The following CDKL3 variants were observed in gnomAD, a reference collection of about 807,000 sequenced individuals.
CDKL3 encodes the protein cyclin-dependent kinase-like 3.
CDKL3 carries 65 observed loss-of-function variants against 69.3 expected under a neutral mutation model. The observed-to-expected ratio is 0.94, with a 90% CI of 0.77 to 1.15. The LOEUF (loss-of-function observed/expected upper bound fraction) is 1.15. Among genes scored for constraint, CDKL3 ranks in the 50% most tolerant of loss-of-function variants. The pLI, the probability that CDKL3 is intolerant of heterozygous loss-of-function variation, is 0.00. For synonymous variants in CDKL3, 202 were observed against 221.6 expected (o/e 0.91, Z 0.79); for missense variants, 652 against 689.2 (o/e 0.95, Z 0.61).
At chr5:134,362,601 G>A (rs766624583) in intron 2 of CDKL3, among the ~76,000 whole-genome samples, 12 of 152,212 alleles carry the variant, frequency 7.9e-5, no homozygotes, top group Middle Eastern at 6.8e-3. Flanking sequence ...TCTCTCCAGT[G>A]GAATTAGATT....
chr5:134,334,213 T>G (rs1268217044), intron 4 of CDKL3, among the ~76,000 whole-genome samples: 1 of 152,096 alleles, frequency 6.6e-6, no homozygotes, highest in African/African-American at 2.4e-5. Flanking sequence ...TTATTAGTCT[T>G]GCTAGCAGTC....
intron 12 of CDKL3, among the ~76,000 whole-genome samples, chr5:134,301,142 C>T (rs1766200488): frequency 6.6e-6 from 1 of 152,070 alleles, no homozygotes; most frequent in Non-Finnish European, 1.5e-5. Context: ...GGATTACAGG[C>T]ATGAGCCACC....
intron 2 of CDKL3, among the ~76,000 whole-genome samples, chr5:134,365,936 G>T (rs753789166): frequency 6.6e-6 from 1 of 152,132 alleles, no homozygotes; most frequent in East Asian, 1.9e-4. Context: ...TTCCCTACCA[G>T]GGAAAGGACT....
chr5:134,332,902 G>A (rs543756327), intron 4 of CDKL3, among the ~76,000 whole-genome samples: 60 of 152,260 alleles, frequency 3.9e-4, no homozygotes, highest in African/African-American at 1.3e-3. Flanking sequence ...CCATTTTCAC[G>A]ATATTGATTC....
chr5:134,296,373 C>G, downstream of CDKL3, among the ~76,000 whole-genome samples: 1 of 152,128 alleles, frequency 6.6e-6, no homozygotes, highest in East Asian at 1.9e-4. Context: ...GGGTTTTATG[C>G]CTTACACGGC....
At chr5:134,329,686 G>A (rs1775291471) in intron 4 of CDKL3, among the ~76,000 whole-genome samples, 1 of 151,894 alleles carries the variant, frequency 6.6e-6, no homozygotes, top group Non-Finnish European at 1.5e-5. Context: ...AGCCAGGGTG[G>A]TCTCCATCTC....
In CDKL3 at chr5:134,367,129, G is replaced by T; in HGVS notation, c.-174C>A. ...TGTTGCTCAGCCCCGCAAGGAACCG[G>T]CCACTTGCCACCATGGAAACGCCGG... On this transcript the variant is annotated 5_prime_UTR_variant, in exon 1 of 13. Transcript: ENST00000265334. The T allele has an allele frequency of 2.0e-6, 2 of 985,758 alleles. No homozygotes were observed. The highest frequency in any genetic ancestry group is 9.4e-5 in the South Asian group (2 of 21,340). The allele number at this position is 985,758 out of a possible 1,614,324, so 61.1% of individuals were successfully genotyped here.
Position 134,319,455 on chromosome 5 carries a change from G to C in CDKL3, c.695C>G (p.Pro232Arg). 1 of 1,532,726 alleles carries C rather than the reference G, an allele frequency of 6.5e-7. No individual in the cohort carries two copies. Among genetic ancestry groups the C allele is most frequent in the Non-Finnish European group, 8.8e-7 (1 of 1,141,958 alleles). 94.9% of individuals were successfully genotyped at this position (1,532,726 alleles called of 1,614,324 possible). A position where few individuals can be genotyped will look rare whatever the true frequency, so the allele number is the denominator to read the frequency against. The change falls in exon 6 of 13, where the codon CCC (proline) becomes CGC (arginine). Residue 232 changes from proline (P) to arginine (R), a missense_variant. Pro to Arg is a moderately radical substitution (Grantham distance 103, BLOSUM62 -2). Transcript: ENST00000265334. ...AGGAAGAACTACCCCAGCAAAAATGGGGCTCTTGGAAAAGATATTCTGCAA... is the reference window on the plus strand; with the variant it reads ...AGGAAGAACTACCCCAGCAAAAATGCGGCTCTTGGAAAAGATATTCTGCAA... ...PHLQNIFSKS[P>R]IFAGVVLPQV...
At chr5:134,317,659 G>C (rs1054554692) in intron 6 of CDKL3, among the ~76,000 whole-genome samples, 1 of 151,962 alleles carries the variant, frequency 6.6e-6, no homozygotes, top group Admixed American at 6.6e-5. Context: ...TGGCACTGTG[G>C]CACATGTGTG....
chr5:134,296,790 C>T (rs1765371675), downstream of CDKL3, among the ~76,000 whole-genome samples: 2 of 151,128 alleles, frequency 1.3e-5, no homozygotes, highest in South Asian at 4.2e-4. Context: ...TCTACACACA[C>T]ACACACACAC....
intron 4 of CDKL3, among the ~76,000 whole-genome samples, chr5:134,346,271 T>C (rs532806404): frequency 1.3e-5 from 2 of 152,188 alleles, no homozygotes; most frequent in African/African-American, 4.8e-5. Flanking sequence ...TTATTACCAT[T>C]AGATCATACT....
intron 10 of CDKL3, among the ~76,000 whole-genome samples, chr5:134,304,940 T>G (rs1181156482): frequency 1.3e-5 from 2 of 151,242 alleles, no homozygotes; most frequent in Non-Finnish European, 2.9e-5. Flanking sequence ...CTTAAGTAAC[T>G]GGGACTACAG....
At chr5:134,322,538 G>A (rs1201794337) in intron 4 of CDKL3, among the ~76,000 whole-genome samples, 2 of 152,060 alleles carry the variant, frequency 1.3e-5, no homozygotes, top group African/African-American at 2.4e-5. Context: ...ATACTCACAT[G>A]TGTGCACAAA....
chr5:134,366,383 C>A lies in CDKL3; in HGVS notation c.141G>T (p.Ala47=), dbSNP rs1363152617. The change falls in exon 2 of 13, where the codon GCG becomes GCT. Residue 47 remains alanine, a synonymous_variant. Transcript: ENST00000265334. ...CCTTTAGAAACTTTATTTCTCTCAT[C>A]GCAATTTTGTTGACAGATTGTTCTG... The part of the protein sequence containing the change: ...ERPEQSVNKI[A]MREIKFLKQF... 1 of 1,580,966 alleles carries A rather than the reference C, an allele frequency of 6.3e-7. No homozygotes were observed. The highest frequency in any genetic ancestry group is 1.2e-5 in the South Asian group (1 of 84,742).
At chr5:134,355,002 C>T (rs1754225806) in intron 3 of CDKL3, among the ~76,000 whole-genome samples, 3 of 151,402 alleles carry the variant, frequency 2.0e-5, no homozygotes, top group Non-Finnish European at 4.4e-5. Flanking sequence ...TGCCTATAAT[C>T]CCAGCACTTT....
chr5:134,368,524 C>G (rs941653595), upstream of CDKL3, among the ~76,000 whole-genome samples: 3 of 143,438 alleles, frequency 2.1e-5, no homozygotes, highest in Non-Finnish European at 4.5e-5. Flanking sequence ...GAGGCGGAGG[C>G]AGGAGAATGG....
At chr5:134,344,795 G>A (rs1751407351) in intron 4 of CDKL3, among the ~76,000 whole-genome samples, 1 of 152,134 alleles carries the variant, frequency 6.6e-6, no homozygotes, top group Non-Finnish European at 1.5e-5. Context: ...TGGGTGCAGT[G>A]GCTCACATCT....
chr5:134,308,054 T>C (rs1268136019), intron 9 of CDKL3, 84 bp downstream of exon 9: 5 of 1,475,448 alleles, frequency 3.4e-6, no homozygotes, highest in East Asian at 4.9e-5. Flanking sequence ...TCAGTTTACA[T>C]ACAGACACTA....
At chr5:134,363,686 C>A (rs1756624987) in intron 2 of CDKL3, among the ~76,000 whole-genome samples, 4 of 151,988 alleles carry the variant, frequency 2.6e-5, no homozygotes, top group Non-Finnish European at 5.9e-5. Flanking sequence ...GTCTCGAACT[C>A]CTGAGCTCAG....
Sources: allele counts gnomAD v4.1 joint callset (sites outside exome capture counted in the v4.1 genomes callset), GRCh38; gene constraint gnomAD v4.1.1; transcripts MANE v1.5; gene names NCBI Gene and HGNC (gene_info 2026-07-23, HGNC 2026-07-21).